Variants in CHIT1 observed in about 807,000 individuals in gnomAD.
The protein encoded by CHIT1 is chitotriosidase-1.
Under a neutral mutation model 52.0 loss-of-function variants are expected in CHIT1, and 47 were observed. The ratio of observed to expected loss-of-function variants is 0.90; its 90% CI spans 0.71 to 1.15. The LOEUF is 1.15. Ranked by LOEUF, CHIT1 falls within the 50% of genes most tolerant of loss-of-function variation. The pLI is 0.00. For synonymous variants in CHIT1, 242 were observed against 228.2 expected (o/e 1.06, Z -0.54); for missense variants, 569 against 583.0 (o/e 0.98, Z 0.25).
In CHIT1 at chr1:203,216,234, C is replaced by T. The variant is rs1234214955; in HGVS notation, c.*655G>A. The T allele has an allele frequency of 2.2e-5, 10 of 453,918 alleles. No individual in the cohort carries two copies. Among genetic ancestry groups the T allele is most frequent in the Non-Finnish European group, 4.0e-5 (9 of 226,784 alleles). The allele number at this position is 453,918 out of a possible 1,614,324, so 28.1% of individuals were successfully genotyped here. A position where few individuals can be genotyped will look rare whatever the true frequency, so the allele number is the denominator to read the frequency against. On this transcript the variant is annotated 3_prime_UTR_variant, in exon 11 of 11. Coordinates refer to ENST00000367229, the MANE Select transcript of CHIT1 (RefSeq NM_003465.3). ...CATTGTTCCTTCTTCATCTGGTGAA[C>T]GGGGGCAGTAGGTGAGATAGGGCCT...
intron 4 of CHIT1, 76 bp from the exon 5 acceptor site, chr1:203,223,736 A>G (rs1656827813): frequency 4.7e-6 from 7 of 1,474,716 alleles, no homozygotes; most frequent in Admixed American, 3.3e-5. Context: ...AGCAGGCAAG[A>G]AAACACTCAG....
intron 10 of CHIT1, chr1:203,217,413 G>A: frequency 6.8e-7 from 1 of 1,479,108 alleles, no homozygotes; most frequent in Non-Finnish European, 9.0e-7. Flanking sequence ...AGGTGGGGGT[G>A]CCACGCTGCA....
intron 10 of CHIT1, 148 bp downstream of exon 10, chr1:203,217,591 C>T: frequency 3.7e-6 from 5 of 1,353,622 alleles, no homozygotes; most frequent in South Asian, 1.3e-5. Flanking sequence ...TCCTTAGCTC[C>T]TGCGGGTACA....
At chr1:203,222,509 T>C (rs1257596050) in intron 6 of CHIT1, among the ~76,000 whole-genome samples, 184 bp from the exon 7 acceptor site, 1 of 152,176 alleles carries the variant, frequency 6.6e-6, no homozygotes. Flanking sequence ...AGCCCCCTTA[T>C]GAAGGCCATT....
rs769451842 is a variant in CHIT1, at chr1:203,216,981, A to G, written c.1309T>C (p.Phe437Leu). The G allele has an allele frequency of 2.5e-5, 40 of 1,614,078 alleles. No homozygotes were observed. Among genetic ancestry groups the G allele is most frequent in the Non-Finnish European group, 3.1e-5 (37 of 1,180,004 alleles). Reference sequence around the variant, plus strand: ...AGCCGCCCCGCTGCACAGCTGTAGAAGCTGGACCGTTCCCGAGGATTGGGA... The same window carrying G: ...AGCCGCCCCGCTGCACAGCTGTAGAGGCTGGACCGTTCCCGAGGATTGGGA... The part of the protein sequence containing the change: ...LYPNPRERSS[F>L]YSCAAGRLFQ... Residue 437 changes from phenylalanine to leucine, a missense_variant, in exon 11 of 11, where the codon TTC (phenylalanine) becomes CTC (leucine). Phe to Leu is a conservative substitution (Grantham distance 22). Coordinates refer to ENST00000367229, the MANE Select transcript of CHIT1 (RefSeq NM_003465.3).
At chr1:203,225,933 C>G (rs1656914066) in intron 2 of CHIT1, 63 bp from the exon 3 acceptor site, 1 of 1,562,054 alleles carries the variant, frequency 6.4e-7, no homozygotes, top group Non-Finnish European at 8.8e-7. Context: ...ACTGGTCACC[C>G]TCCATCTGGG....
In CHIT1 at chr1:203,217,726, G is replaced by GC. The variant is rs747662521; in HGVS notation, c.1156+12dup. The GC allele has an allele frequency of 6.2e-7, 1 of 1,613,332 alleles. No homozygotes were observed. On this transcript the variant is annotated intron_variant, in intron 10 of 10. Coordinates refer to ENST00000367229, the MANE Select transcript of CHIT1 (RefSeq NM_003465.3). ...CTCCAAATTCCACCACTGGCCCTGG[G>GC]CCCCTTACTTACTCAGTTCCTGCCG...
At chr1:203,218,163 C>T (rs1021742238) in intron 9 of CHIT1, 1 of 1,360,082 alleles carries the variant, frequency 7.4e-7, no homozygotes, top group East Asian at 3.9e-5. Context: ...GAACCCTTCA[C>T]CGCTTGGTCA....
At chr1:203,217,936 T>C (rs774927713) in intron 9 of CHIT1, 71 bp from the exon 10 acceptor site, 63 of 1,556,266 alleles carry the variant, frequency 4.0e-5, no homozygotes, top group Non-Finnish European at 4.9e-5. Context: ...CCTGGCTACC[T>C]CTTCTGGACA....
At chr1:203,224,931 C>G in intron 4 of CHIT1, 117 bp downstream of exon 4, 1 of 928,050 alleles carries the variant, frequency 1.1e-6, no homozygotes, top group Non-Finnish European at 1.7e-6. Flanking sequence ...AGCTCCCCTC[C>G]CCTTTCCCCT....
chr1:203,227,270 G>T (rs1656961121), intron 2 of CHIT1, among the ~76,000 whole-genome samples: 1 of 152,152 alleles, frequency 6.6e-6, no homozygotes, highest in Non-Finnish European at 1.5e-5. Context: ...TTGCTAGTGG[G>T]GCTGGGGTGT....
chr1:203,228,592 T>C (rs1452085550), intron 1 of CHIT1, 30 bp from the exon 2 acceptor site: 6 of 1,571,228 alleles, frequency 3.8e-6, no homozygotes, highest in Non-Finnish European at 4.3e-6. Context: ...AAGGCCAGGG[T>C]TATGCTGCCA....
In CHIT1 at chr1:203,222,169, G is replaced by A. The variant is rs1290014667; in HGVS notation, c.729+33C>T. ...CACCAAACAGGGCCTGCTGGACAGGGGAGTCCTGCCTCAGCCCTCCTGCCA... is the reference window on the plus strand; with the variant it reads ...CACCAAACAGGGCCTGCTGGACAGGAGAGTCCTGCCTCAGCCCTCCTGCCA... On this transcript the variant is annotated intron_variant, in intron 7 of 10. Coordinates refer to ENST00000367229, the MANE Select transcript of CHIT1 (RefSeq NM_003465.3). 3.1e-6 allele frequency: 5 copies of A among 1,612,782 alleles called. No homozygotes were observed. In the Admixed American group the frequency reaches 5.0e-5, roughly 16 times the overall value.
At chr1:203,223,713 A>G in intron 4 of CHIT1, 53 bp from the exon 5 acceptor site, 1 of 1,579,700 alleles carries the variant, frequency 6.3e-7, no homozygotes, top group Admixed American at 1.7e-5. Flanking sequence ...ACAGGAGGCC[A>G]CTCTTACTCA....
Position 203,216,191 on chromosome 1 carries a change from C to T in CHIT1, c.*698G>A. 1 of 454,062 alleles carries T rather than the reference C, an allele frequency of 2.2e-6. No homozygotes were observed. The highest frequency in any genetic ancestry group is 1.6e-5 in the South Asian group (1 of 64,472). The allele number at this position is 454,062 out of a possible 1,614,324, so 28.1% of individuals were successfully genotyped here. The stretch of plus-strand genomic sequence containing the variant: ...TAGAATCAGTCTTCAGTTTAAATGC[C>T]TATAAAGTGAGAATAATCATTGTTC... On this transcript the variant is annotated 3_prime_UTR_variant, in exon 11 of 11. Coordinates refer to ENST00000367229, the MANE Select transcript of CHIT1 (RefSeq NM_003465.3).
chr1:203,225,652 C>T lies in CHIT1; in HGVS notation c.257+17G>A. On this transcript the variant is annotated intron_variant, in intron 3 of 10. Coordinates refer to ENST00000367229, the MANE Select transcript of CHIT1 (RefSeq NM_003465.3). ...CCCACCACATCCCACCCACCCTGCT[C>T]CTCTGCTTTGGCTCACATCTTCTTC... 6.2e-7 allele frequency: 1 copy of T among 1,605,834 alleles called. No homozygotes were observed. The highest frequency in any genetic ancestry group is 8.5e-7 in the Non-Finnish European group (1 of 1,173,598).
In CHIT1 at chr1:203,219,280, ACC is replaced by A; in HGVS notation, c.963_964del (p.Lys321AsnfsTer14). ...CTGGTTGTCCCGGAAGATGTAGGGC[ACC>A]TTCTGATCCTGGATTCTCTGTTTGG... On this transcript the variant is annotated frameshift_variant, in exon 9 of 11. Transcript: ENST00000367229. LOFTEE classifies it high-confidence loss of function. 1 of 1,603,646 alleles carries A rather than the reference ACC, an allele frequency of 6.2e-7. No individual in the cohort carries two copies. Among genetic ancestry groups the A allele is most frequent in the Non-Finnish European group, 8.5e-7 (1 of 1,171,352 alleles).
rs759591579 is a variant in CHIT1, at chr1:203,223,595, A to G, written c.380T>C (p.Leu127Pro). 3 of 1,614,258 alleles carry G rather than the reference A, an allele frequency of 1.9e-6. No individual in the cohort carries two copies. Among genetic ancestry groups the G allele is most frequent in the Non-Finnish European group, 2.5e-6 (3 of 1,180,046 alleles). ...QTFVNSAIRF[L>P]RKYSFDGLDL... is the part of the protein sequence containing the mutation. ...AAGGCCGTCAAAGCTGTATTTGCGC[A>G]GAAACCTGATGGCCGAGTTGACAAA... is the stretch of plus-strand genomic sequence containing the variant. The change falls in exon 5 of 11, where the codon CTG (leucine) becomes CCG (proline). Residue 127 changes from leucine (L) to proline (P), a missense_variant. Coordinates refer to ENST00000367229, the MANE Select transcript of CHIT1 (RefSeq NM_003465.3).
intron 7 of CHIT1, among the ~76,000 whole-genome samples, chr1:203,221,091 G>A (rs1656715045): frequency 6.6e-6 from 1 of 152,128 alleles, no homozygotes; most frequent in African/African-American, 2.4e-5. Context: ...GTGAAATGTG[G>A]GTGCCTGGCT....
Sources: gnomAD v4.1 joint callset for allele counts (sites outside exome capture counted in the v4.1 genomes callset) on GRCh38, gnomAD v4.1.1 for gene constraint, MANE v1.5 for transcripts, NCBI Gene and HGNC (gene_info 2026-07-23, HGNC 2026-07-21) for gene names.